The following ASIC2 variants were observed in gnomAD, a reference collection of about 807,000 sequenced individuals.
ASIC2 encodes the protein acid sensing ion channel subunit 2, also known as acid-sensing ion channel 2.
In ASIC2, 25 loss-of-function variants were observed where a neutral mutation model predicts 57.3. The ratio of observed to expected loss-of-function variants is 0.44; its 90% CI spans 0.32 to 0.61. The LOEUF is 0.61. Among genes scored for constraint, ASIC2 ranks in the 20% least tolerant of loss-of-function variants. ASIC2 has a pLI of 0.06. For synonymous variants in ASIC2, 319 were observed against 307.5 expected (o/e 1.04, Z -0.39); for missense variants, 641 against 738.1 (o/e 0.87, Z 1.52).
At chr17:33,431,937 T>C (rs1911435495) in intron 1 of ASIC2, among the ~76,000 whole-genome samples, 1 of 151,750 alleles carries the variant, frequency 6.6e-6, no homozygotes, top group Non-Finnish European at 1.5e-5. Flanking sequence ...ATTAAGAAAA[T>C]GATGCAAGGA....
At chr17:33,091,270 G>T (rs1022674468) in intron 2 of ASIC2, among the ~76,000 whole-genome samples, 1 of 152,170 alleles carries the variant, frequency 6.6e-6, no homozygotes, top group East Asian at 1.9e-4. Context: ...TGTCCAAGAC[G>T]GGGGTTGAGG....
At chr17:33,988,945 T>C (rs939935055) in intron 1 of ASIC2, among the ~76,000 whole-genome samples, 2 of 152,070 alleles carry the variant, frequency 1.3e-5, no homozygotes, top group African/African-American at 4.8e-5. Flanking sequence ...TTGCCCCAAA[T>C]TGTTCCCTTG....
intron 1 of ASIC2, among the ~76,000 whole-genome samples, chr17:34,023,644 G>T (rs765908217): frequency 6.6e-6 from 1 of 152,118 alleles, no homozygotes; most frequent in Non-Finnish European, 1.5e-5. Context: ...TCCTCACCAT[G>T]TGAGGACCTC....
rs1908039111 is a variant in ASIC2 at position 34,039,855 on chromosome 17, A to G, written c.555+116123T>C. On this transcript the variant is annotated intron_variant, in intron 1 of 9. Transcript: ENST00000359872. ...ATTTCTGCCGTCGTGGGTCCAGGCTATGCAATTCTTCCATCATTTCTACTG... is the reference window on the plus strand; with the variant it reads ...ATTTCTGCCGTCGTGGGTCCAGGCTGTGCAATTCTTCCATCATTTCTACTG... The G allele has an allele frequency of 8.1e-6, 13 of 1,605,690 alleles. No individual in the cohort carries two copies. The East Asian group carries it at 2.5e-4, about 30-fold the overall frequency.
intron 1 of ASIC2, among the ~76,000 whole-genome samples, chr17:33,923,808 G>C (rs1451219654): frequency 6.6e-6 from 1 of 152,162 alleles, no homozygotes; most frequent in African/African-American, 2.4e-5. Context: ...TATGAGAGGG[G>C]AGGAGGGGCG....
intron 1 of ASIC2, chr17:33,834,179 G>C (rs1673722050): frequency 6.6e-6 from 1 of 152,202 alleles, no homozygotes; most frequent in Non-Finnish European, 1.5e-5. Flanking sequence ...ACAGCCTGCT[G>C]TCAGTATCAA....
intron 1 of ASIC2, among the ~76,000 whole-genome samples, chr17:33,289,093 A>G (rs1392634723): frequency 6.6e-6 from 1 of 152,198 alleles, no homozygotes; most frequent in Non-Finnish European, 1.5e-5. Context: ...AACCTACAGC[A>G]TGCAACTTTA....
chr17:33,576,236 C>T (rs1916616968), intron 1 of ASIC2, among the ~76,000 whole-genome samples: 1 of 152,152 alleles, frequency 6.6e-6, no homozygotes, highest in Non-Finnish European at 1.5e-5. Context: ...TGCACTTGTG[C>T]CTCTGTGTGT....
intron 1 of ASIC2, among the ~76,000 whole-genome samples, chr17:34,040,694 T>C (rs1908098705): frequency 6.6e-6 from 1 of 152,176 alleles, no homozygotes; most frequent in Non-Finnish European, 1.5e-5. Flanking sequence ...GGCCTGGAAC[T>C]GCTTCAAGGG....
At chr17:34,064,045 C>T (rs963725791) in intron 1 of ASIC2, among the ~76,000 whole-genome samples, 7 of 151,992 alleles carry the variant, frequency 4.6e-5, no homozygotes, top group African/African-American at 2.4e-5. Flanking sequence ...TCATATAGAA[C>T]CAAAAAAGAG....
chr17:33,595,580 C>G (rs8064274), intron 1 of ASIC2, among the ~76,000 whole-genome samples: 20,581 of 152,142 alleles, frequency 0.14, 1,589 homozygotes, highest in African/African-American at 0.21. Flanking sequence ...CCAGGAAGTT[C>G]TATTGTGTCA....
intron 1 of ASIC2, among the ~76,000 whole-genome samples, chr17:33,790,917 C>T (rs757080939): frequency 6.6e-6 from 1 of 152,132 alleles, no homozygotes; most frequent in Non-Finnish European, 1.5e-5. Context: ...TAGGCAGATG[C>T]TATATTATCC....
At chr17:33,690,266 G>T (rs1208297296) in intron 1 of ASIC2, among the ~76,000 whole-genome samples, 8 of 152,142 alleles carry the variant, frequency 5.3e-5, no homozygotes, top group African/African-American at 1.9e-4. Flanking sequence ...TTAGCTCATG[G>T]TTCTGCAAAG....
At chr17:34,134,303 A>T (rs934720301) in intron 1 of ASIC2, among the ~76,000 whole-genome samples, 1 of 152,172 alleles carries the variant, frequency 6.6e-6, no homozygotes, top group African/African-American at 2.4e-5. Flanking sequence ...CAGGCACAAC[A>T]TCCATCTTTA....
chr17:33,729,671 C>T (rs987262112), intron 1 of ASIC2, among the ~76,000 whole-genome samples: 4 of 152,078 alleles, frequency 2.6e-5, no homozygotes, highest in Non-Finnish European at 4.4e-5. Flanking sequence ...CTTTAAATTC[C>T]CCATCCATAA....
intron 1 of ASIC2, among the ~76,000 whole-genome samples, chr17:33,655,828 A>G (rs192764994): frequency 6.6e-6 from 1 of 152,338 alleles, no homozygotes; most frequent in Admixed American, 6.5e-5. Flanking sequence ...GTAGAAAAAA[A>G]TCTTAATGAG....
chr17:33,875,465 G>GA (rs11456049), intron 1 of ASIC2, among the ~76,000 whole-genome samples: 41,486 of 151,982 alleles, frequency 0.27, 5,885 homozygotes, highest in Middle Eastern at 0.36. Flanking sequence ...AGAGACAGCT[G>GA]AAAATGAAAA....
intron 1 of ASIC2, among the ~76,000 whole-genome samples, chr17:33,579,422 G>A (rs561447906): frequency 6.6e-6 from 1 of 152,048 alleles, no homozygotes. Context: ...AGAAAACAAG[G>A]AGATATAGAC....
chr17:33,163,004 C>T (rs546776718), intron 1 of ASIC2, among the ~76,000 whole-genome samples: 1 of 152,350 alleles, frequency 6.6e-6, no homozygotes, highest in East Asian at 1.9e-4. Context: ...TGAGAGTCTA[C>T]TGGCCTGTTC....
Sources: gnomAD v4.1 joint callset for allele counts (sites outside exome capture counted in the v4.1 genomes callset) on GRCh38, gnomAD v4.1.1 for gene constraint, MANE v1.5 for transcripts, NCBI Gene and HGNC (gene_info 2026-07-23, HGNC 2026-07-21) for gene names.